The following ARHGAP44 variants were observed in gnomAD, a reference collection of about 807,000 sequenced individuals.
The protein encoded by ARHGAP44 is Rho GTPase activating protein 44, also known as rho GTPase-activating protein 44.
In ARHGAP44, 43 loss-of-function variants were observed where a neutral mutation model predicts 106.8. That is an observed-to-expected ratio of 0.40 (90% CI 0.32 to 0.52). The LOEUF (loss-of-function observed/expected upper bound fraction) is 0.52, where lower values mean the gene tolerates loss of function less well. Among genes scored for constraint, ARHGAP44 ranks in the 20% least tolerant of loss-of-function variants. ARHGAP44 has a pLI of 0.48. For missense variants in ARHGAP44, 866 were observed against 1,050.5 expected, an observed-to-expected ratio of 0.82 and a Z score of 2.43; for synonymous variants, 439 against 410.3, an observed-to-expected ratio of 1.07 and a Z score of -0.85.
intron 1 of ARHGAP44, among the ~76,000 whole-genome samples, chr17:12,877,293 T>G (rs2036586025): frequency 1.3e-5 from 2 of 152,320 alleles, no homozygotes; most frequent in South Asian, 4.1e-4. Context: ...ACTGGTCCTG[T>G]TCATATAGCC....
At chr17:12,878,638 G>A (rs6502208) in intron 1 of ARHGAP44, among the ~76,000 whole-genome samples, 4 of 152,104 alleles carry the variant, frequency 2.6e-5, no homozygotes, top group East Asian at 1.9e-4. Flanking sequence ...AGGCCGCTGC[G>A]TTTCCTTGAA....
intron 1 of ARHGAP44, among the ~76,000 whole-genome samples, chr17:12,801,221 T>C (rs2034084426): frequency 6.6e-6 from 1 of 152,266 alleles, no homozygotes; most frequent in African/African-American, 2.4e-5. Context: ...ACAGAGCTTT[T>C]AGCACTAGGA....
chr17:12,911,971 C>A (rs1161082858), intron 4 of ARHGAP44, among the ~76,000 whole-genome samples: 1 of 152,212 alleles, frequency 6.6e-6, no homozygotes, highest in Non-Finnish European at 1.5e-5. Flanking sequence ...AGTGACGCAA[C>A]CACGTCTTTC....
At chr17:12,976,599 C>T (rs3785714) in intron 18 of ARHGAP44, among the ~76,000 whole-genome samples, 47,590 of 137,582 alleles carry the variant, frequency 0.35, 8,200 homozygotes, top group African/African-American at 0.43. Context: ...GGTGACAGAG[C>T]GAGACTCTGT....
At chr17:12,922,395 G>T (rs2038108081) in intron 6 of ARHGAP44, among the ~76,000 whole-genome samples, 1 of 152,170 alleles carries the variant, frequency 6.6e-6, no homozygotes, top group Non-Finnish European at 1.5e-5. Flanking sequence ...ACGTAAAATT[G>T]CATCCCATAA....
intron 1 of ARHGAP44, chr17:12,790,478 G>A (rs11649936): frequency 4.1e-4 from 63 of 153,168 alleles, no homozygotes; most frequent in Non-Finnish European, 6.7e-4. Flanking sequence ...GGGAGAGGAA[G>A]GAAGGTGCTG....
intron 7 of ARHGAP44, among the ~76,000 whole-genome samples, chr17:12,932,283 A>T (rs763617544): frequency 4.0e-4 from 61 of 152,332 alleles, no homozygotes; most frequent in South Asian, 1.7e-3. Context: ...GTTGATGAGT[A>T]TCATGTATTT....
At chr17:12,956,960 A>C (rs933294134) in intron 15 of ARHGAP44, among the ~76,000 whole-genome samples, 1 of 151,884 alleles carries the variant, frequency 6.6e-6, no homozygotes, top group African/African-American at 2.4e-5. Context: ...TGTAATCTCT[A>C]TATTTTTTGA....
At chr17:12,926,698 A>T (rs1224073609) in intron 6 of ARHGAP44, among the ~76,000 whole-genome samples, 2 of 151,762 alleles carry the variant, frequency 1.3e-5, no homozygotes, top group South Asian at 4.1e-4. Context: ...AAATGTCTTC[A>T]TTTTAATATA....
At position 12,949,225 on chromosome 17, in the gene ARHGAP44, A is replaced by T. The variant is rs890787800; in HGVS notation, c.947A>T (p.Tyr316Phe). 1.3e-6 allele frequency: 2 copies of T among 1,571,530 alleles called. No homozygotes were observed. The highest frequency in any genetic ancestry group is 1.7e-6 in the Non-Finnish European group (2 of 1,158,494). Residue 316 changes from tyrosine (Y) to phenylalanine (F), a missense_variant, in exon 11 of 21, where the codon TAC becomes TTC. Tyr to Phe is a conservative substitution (Grantham distance 22). This residue lies in a region of ARHGAP44 where 448 missense variants were observed against 646.9 expected (regional missense o/e 0.69). Transcript: ENST00000379672. This position sits in a 1 kb window ranked among gnomAD's most constrained non-coding sequence, Gnocchi z 4.1. ...TGCTGCGTGGTGGATGTGCAGGAGTACTCGGCAGACCCCCACGCAATTGCA... is the reference window on the plus strand; with the variant it reads ...TGCTGCGTGGTGGATGTGCAGGAGTTCTCGGCAGACCCCCACGCAATTGCA... ...LDCCVVDVQEYSADPHAIAGA... is the reference protein window; with the variant it reads ...LDCCVVDVQEFSADPHAIAGA...
At chr17:12,890,965 T>C (rs1351492179) in intron 1 of ARHGAP44, among the ~76,000 whole-genome samples, 1 of 152,224 alleles carries the variant, frequency 6.6e-6, no homozygotes, top group Non-Finnish European at 1.5e-5. Context: ...TATAACTTTA[T>C]AGGAAGGATG....
At chr17:12,924,533 G>A (rs1004102483) in intron 6 of ARHGAP44, among the ~76,000 whole-genome samples, 2 of 152,120 alleles carry the variant, frequency 1.3e-5, no homozygotes, top group Non-Finnish European at 2.9e-5. Context: ...TTCCATTTCT[G>A]CCGAACCAGC....
chr17:12,971,673 C>T (rs549086383), intron 16 of ARHGAP44, among the ~76,000 whole-genome samples: 86 of 151,062 alleles, frequency 5.7e-4, no homozygotes, highest in African/African-American at 2.0e-3. Flanking sequence ...TTCTGGGTAT[C>T]GTATAGGAAG....
At chr17:12,975,183 T>G (rs1462698548) in intron 18 of ARHGAP44, among the ~76,000 whole-genome samples, 4 of 152,212 alleles carry the variant, frequency 2.6e-5, no homozygotes, top group Non-Finnish European at 4.4e-5. Context: ...CGCACCTATT[T>G]GGACCACAGT....
At chr17:12,880,387 A>G (rs1202697082) in intron 1 of ARHGAP44, among the ~76,000 whole-genome samples, 3 of 152,050 alleles carry the variant, frequency 2.0e-5, no homozygotes, top group African/African-American at 7.2e-5. Context: ...TTGTATTTAT[A>G]ATTCTCTTGC....
At chr17:12,861,393 T>G (rs1406240783) in intron 1 of ARHGAP44, among the ~76,000 whole-genome samples, 1 of 152,124 alleles carries the variant, frequency 6.6e-6, no homozygotes, top group South Asian at 2.1e-4. Flanking sequence ...AGGTCAGAAG[T>G]CTGGCACAGG....
rs2039177209 is a variant in ARHGAP44, at chr17:12,958,308, G to A, written c.1343-409G>A. 6.6e-6 allele frequency among the ~76,000 whole-genome samples: 1 copy of A among 152,042 alleles called. No homozygotes were observed. Among genetic ancestry groups the A allele is most frequent in the South Asian group, 2.1e-4 (1 of 4,810 alleles). ...ATATTGCCTCTTATTTTATTTTCTT[G>A]ACTAATTCCATTGGCTAGTGTTTCT... On this transcript the variant is annotated intron_variant, in intron 15 of 20. Coordinates refer to ENST00000379672, the MANE Select transcript of ARHGAP44 (RefSeq NM_014859.6). This position sits in a 1 kb window ranked among gnomAD's most constrained non-coding sequence, Gnocchi z 4.1.
At chr17:12,960,344 G>A (rs962247234) in intron 16 of ARHGAP44, among the ~76,000 whole-genome samples, 1 of 152,078 alleles carries the variant, frequency 6.6e-6, no homozygotes, top group Admixed American at 6.5e-5. Flanking sequence ...GAGGTGGGTG[G>A]ATCACAAGGT....
At chr17:12,912,667 G>T (rs1327706782) in intron 4 of ARHGAP44, among the ~76,000 whole-genome samples, 1 of 152,172 alleles carries the variant, frequency 6.6e-6, no homozygotes, top group African/African-American at 2.4e-5. Context: ...CAACCTTCTA[G>T]AGAGAAAACA....
Sources: gnomAD v4.1 joint callset for allele counts (sites outside exome capture counted in the v4.1 genomes callset) on GRCh38, gnomAD v4.1.1 for gene constraint, gnomAD v4.1.1 regional missense constraint, Gnocchi (gnomAD v3.1) non-coding constraint, MANE v1.5 for transcripts, NCBI Gene and HGNC (gene_info 2026-07-23, HGNC 2026-07-21) for gene names.